The following ASPSCR1 variants were observed in gnomAD, a reference collection of about 807,000 sequenced individuals.
ASPSCR1 encodes the protein ASPSCR1 tether for SLC2A4, UBX domain containing.
A neutral mutation model predicts 68.9 loss-of-function variants in ASPSCR1; 55 were observed. That is an observed-to-expected ratio of 0.80 (90% CI 0.64 to 1.00). The LOEUF (loss-of-function observed/expected upper bound fraction) is 1.00, where lower values mean the gene tolerates loss of function less well. Ranked by LOEUF, ASPSCR1 falls within the 50% of genes least tolerant of loss-of-function variation. ASPSCR1 has a pLI of 0.00. For missense variants in ASPSCR1, 765 were observed against 762.2 expected (o/e 1.00, Z -0.04); for synonymous variants, 352 against 332.6 (o/e 1.06, Z -0.63).
In ASPSCR1 at chr17:81,985,596, T is replaced by C. The variant is rs750160722; in HGVS notation, c.363T>C (p.Phe121=). 6.2e-7 allele frequency: 1 copy of C among 1,613,868 alleles called. No individual in the cohort carries two copies. The highest frequency in any genetic ancestry group is 8.5e-7 in the Non-Finnish European group (1 of 1,179,900). The change falls in exon 4 of 16, where the codon TTT becomes TTC. Residue 121 remains phenylalanine, a synonymous_variant. Coordinates refer to ENST00000306739, the MANE Select transcript of ASPSCR1 (RefSeq NM_024083.4). ...CCCTCTGGGAGCTTCTCAGCCATTT[T>C]CCACAGATCAGGTGAGCATCAGTGG... is the stretch of plus-strand genomic sequence containing the variant. ...GQTLWELLSH[F]PQIRECLQHP...
chr17:81,983,860 A>G lies in ASPSCR1; in HGVS notation c.273+192A>G, dbSNP rs370459829. On this transcript the variant is annotated intron_variant, in intron 3 of 15. Coordinates refer to ENST00000306739, the MANE Select transcript of ASPSCR1 (RefSeq NM_024083.4). This position sits in a 1 kb window ranked among gnomAD's most constrained non-coding sequence, Gnocchi z 4.4. The stretch of plus-strand genomic sequence containing the variant: ...ACTGGCAACTGAAAATGAGCATCTC[A>G]TGTTTTTTTTTTTTTGAGCTGGAGT... Among the ~76,000 whole-genome samples the G allele has an allele frequency of 4.0e-4, 60 of 148,718 alleles. 1 individual carries two copies. In the East Asian group the frequency reaches 9.7e-3, roughly 24 times the overall value.
In ASPSCR1 at chr17:81,987,255, A is replaced by C. The variant is rs2042026558; in HGVS notation, c.374+1648A>C. On this transcript the variant is annotated intron_variant, in intron 4 of 15. Transcript: ENST00000306739. This position sits in a 1 kb window ranked among gnomAD's most constrained non-coding sequence, Gnocchi z 5.6. ...AGGGGTGAGCGGGACCCGAGCCAGG[A>C]GTGGCGCCGGGCAGGGAGGCAGGCA... is the stretch of plus-strand genomic sequence containing the variant. Among the ~76,000 whole-genome samples, 1 of 152,096 alleles carries C rather than the reference A, an allele frequency of 6.6e-6. No homozygotes were observed. The highest frequency in any genetic ancestry group is 2.4e-5 in the African/African-American group (1 of 41,404).
At chr17:82,010,148 C>A (rs1388058633) in intron 9 of ASPSCR1, 1 of 275,228 alleles carries the variant, frequency 3.6e-6, no homozygotes, top group African/African-American at 2.4e-5. Flanking sequence ...TCTCGAACTC[C>A]TGACCTCAGG....
In ASPSCR1 at chr17:81,996,482, C is replaced by A; in HGVS notation, c.569C>A (p.Ser190Ter). The change falls in exon 7 of 16, where the codon TCG becomes TAG. Residue 190 changes from serine (S) to a stop codon, truncating the protein, a stop_gained. Transcript: ENST00000306739. LOFTEE classifies it high-confidence loss of function. ...KTPGSLGSSA[S>*]AGQAAASAPL... Reference sequence around the variant, plus strand: ...CCAGGAAGCCTGGGCTCGTCAGCGTCGGCTGGCCAGGCAGCCGCCAGCGCT... The same window carrying A: ...CCAGGAAGCCTGGGCTCGTCAGCGTAGGCTGGCCAGGCAGCCGCCAGCGCT... The A allele has an allele frequency of 6.2e-7, 1 of 1,611,318 alleles. No individual in the cohort carries two copies. The highest frequency in any genetic ancestry group is 8.5e-7 in the Non-Finnish European group (1 of 1,179,020).
At chr17:82,010,654 C>CA in intron 9 of ASPSCR1, 148 bp from the exon 10 acceptor site, 1 of 789,192 alleles carries the variant, frequency 1.3e-6, no homozygotes, top group Non-Finnish European at 2.1e-6. Flanking sequence ...ACGGGGGAGT[C>CA]AAAGCCCAGG....
Position 82,011,473 on chromosome 17 carries a change from C to T in ASPSCR1, c.1238-70C>T, listed in dbSNP as rs2042939637. 3.4e-6 allele frequency: 5 copies of T among 1,450,260 alleles called. No individual in the cohort carries two copies. In the South Asian group the frequency reaches 3.8e-5, roughly 11 times the overall value. 89.8% of individuals were successfully genotyped at this position (1,450,260 alleles called of 1,614,324 possible). ...GGCCCAGGAGGGTGGGAGCAGTGGC[C>T]CAGGTGCTGGGGCAGCCCGGGGCTG... On this transcript the variant is annotated intron_variant, in intron 10 of 15. Transcript: ENST00000306739.
chr17:82,002,294 T>C (rs985051209), intron 7 of ASPSCR1, among the ~76,000 whole-genome samples: 3 of 152,084 alleles, frequency 2.0e-5, no homozygotes, highest in Admixed American at 6.6e-5. Flanking sequence ...AGTCTCGCGC[T>C]GTCACCCAGG....
intron 7 of ASPSCR1, among the ~76,000 whole-genome samples, chr17:82,000,378 G>A (rs1231862275): frequency 6.6e-6 from 1 of 152,168 alleles, no homozygotes; most frequent in Non-Finnish European, 1.5e-5. Flanking sequence ...CCTGCATGGC[G>A]TGCTGAGGGC....
chr17:81,994,854 A>T lies in ASPSCR1; in HGVS notation c.408A>T (p.Pro136=), dbSNP rs985632621. 2.5e-6 allele frequency: 4 copies of T among 1,613,242 alleles called. No homozygotes were observed. Among genetic ancestry groups the T allele is most frequent in the Non-Finnish European group, 3.4e-6 (4 of 1,179,888 alleles). ...ECLQHPGGAT[P]VCVYTRDEVT... ...TGCAGCACCCCGGCGGGGCCACCCCAGTCTGCGTGTACACGAGGGATGAGG... is the reference window on the plus strand; with the variant it reads ...TGCAGCACCCCGGCGGGGCCACCCCTGTCTGCGTGTACACGAGGGATGAGG... The change falls in exon 5 of 16, where the codon CCA becomes CCT. Residue 136 remains proline (P), a synonymous_variant. Transcript: ENST00000306739.
At position 81,983,225 on chromosome 17, in the gene ASPSCR1, C is replaced by T. The variant is rs185203702; in HGVS notation, c.159-329C>T. 5.0e-3 allele frequency among the ~76,000 whole-genome samples: 761 copies of T among 152,356 alleles called. 3 individuals carry two copies. The highest frequency in any genetic ancestry group is 7.4e-3 in the Non-Finnish European group (501 of 68,034). Reference sequence around the variant, plus strand: ...GCTTCCGCGAGTGCAGCAGTGTTCACGCCCCAGTCGTTCTCTCTGTGTTTT... The same window carrying T: ...GCTTCCGCGAGTGCAGCAGTGTTCATGCCCCAGTCGTTCTCTCTGTGTTTT... On this transcript the variant is annotated intron_variant, in intron 2 of 15. Transcript: ENST00000306739. The surrounding 1 kb of genome is among the most constrained non-coding windows in gnomAD (Gnocchi z 4.4).
At chr17:82,016,298 T>C in intron 12 of ASPSCR1, 178 bp from the exon 13 acceptor site, 1 of 619,308 alleles carries the variant, frequency 1.6e-6, no homozygotes, top group Admixed American at 3.0e-5. Context: ...GCCCTGGCCT[T>C]GCTTACAGGG....
chr17:82,012,260 G>A lies in ASPSCR1; in HGVS notation c.1330G>A (p.Asp444Asn), dbSNP rs777946155. 38 of 1,613,442 alleles carry A rather than the reference G, an allele frequency of 2.4e-5. No homozygotes were observed. Among genetic ancestry groups the A allele is most frequent in the Admixed American group, 3.3e-5 (2 of 60,010 alleles). ...CACCCCTCCAAAAACAGTCCTGGAC[G>A]ACCACACGCAGACCCTCTTTCAGGT... ...FITPPKTVLDDHTQTLFQANL... is the reference protein window; with the variant it reads ...FITPPKTVLDNHTQTLFQANL... The change falls in exon 12 of 16, where the codon GAC becomes AAC. Residue 444 changes from aspartate (D) to asparagine (N), a missense_variant. Asp to Asn is a conservative substitution (Grantham distance 23). Coordinates refer to ENST00000306739, the MANE Select transcript of ASPSCR1 (RefSeq NM_024083.4).
chr17:82,009,915 C>CTTT, intron 9 of ASPSCR1: 13 of 199,966 alleles, frequency 6.5e-5, no homozygotes, highest in Admixed American at 1.3e-4. Context: ...AGAATGAAAC[C>CTTT]TTTTTTTTTT....
intron 4 of ASPSCR1, among the ~76,000 whole-genome samples, chr17:81,992,641 G>T (rs2042209937): frequency 6.6e-6 from 1 of 152,328 alleles, no homozygotes; most frequent in Non-Finnish European, 1.5e-5. Flanking sequence ...CCCCTTCCTG[G>T]CCCTGGGGGC....
At chr17:81,997,655 AT>A (rs1235675905) in intron 7 of ASPSCR1, among the ~76,000 whole-genome samples, 3 of 149,164 alleles carry the variant, frequency 2.0e-5, no homozygotes, top group African/African-American at 7.4e-5. Context: ...AGCCCAGCTA[AT>A]TTTTTTGTAT....
At position 82,009,090 on chromosome 17, in the gene ASPSCR1, G is replaced by GGAGGA. The variant is rs1198589326; in HGVS notation, c.989_993dup (p.Leu333SerfsTer17). On this transcript the variant is annotated frameshift_variant, in exon 8 of 16. Coordinates refer to ENST00000306739, the MANE Select transcript of ASPSCR1 (RefSeq NM_024083.4). LOFTEE classifies it high-confidence loss of function. ...AGCCGGTGGTGTGCCACCCCGACCT[G>GGAGGA]GAGGAGCGGCTGCAGGCCTGGCCAG... 1 of 1,588,190 alleles carries GGAGGA rather than the reference G, an allele frequency of 6.3e-7. No individual in the cohort carries two copies. The highest frequency in any genetic ancestry group is 1.3e-5 in the African/African-American group (1 of 74,382).
chr17:82,008,851 GT>G, intron 7 of ASPSCR1, 185 bp from the exon 8 acceptor site: 14 of 750,242 alleles, frequency 1.9e-5, no homozygotes, highest in Non-Finnish European at 2.8e-5. Context: ...GTGGGGTGGG[GT>G]CCCCCAGCTG....
Position 82,016,311 on chromosome 17 carries a change from A to G in ASPSCR1, c.1354-165A>G, listed in dbSNP as rs1310366894. On this transcript the variant is annotated intron_variant, in intron 12 of 15. Coordinates refer to ENST00000306739, the MANE Select transcript of ASPSCR1 (RefSeq NM_024083.4). ...ACGCCCTGGCCTTGCTTACAGGGGTAGGGCTGGTGTCAGACAGGAAGCTGG... is the reference window on the plus strand; with the variant it reads ...ACGCCCTGGCCTTGCTTACAGGGGTGGGGCTGGTGTCAGACAGGAAGCTGG... The G allele has an allele frequency of 9.4e-6, 6 of 637,224 alleles. No individual in the cohort carries two copies. The East Asian group carries it at 1.4e-4, about 15-fold the overall frequency. 39.5% of individuals were successfully genotyped at this position (637,224 alleles called of 1,614,324 possible).
intron 12 of ASPSCR1, chr17:82,014,819 A>C: frequency 1.8e-6 from 1 of 561,016 alleles, no homozygotes; most frequent in South Asian, 2.2e-5. Context: ...TTGGCAGCAG[A>C]GAGGCGGCTG....
Sources: allele counts gnomAD v4.1 joint callset (sites outside exome capture counted in the v4.1 genomes callset), GRCh38; gene constraint gnomAD v4.1.1; non-coding constraint Gnocchi (gnomAD v3.1); transcripts MANE v1.5; gene names NCBI Gene and HGNC (gene_info 2026-07-23, HGNC 2026-07-21).